The following WAPL variants were observed in gnomAD, a reference collection of about 807,000 sequenced individuals.
WAPL encodes the protein wings apart-like protein homolog.
In WAPL, 5 loss-of-function variants were observed where a neutral mutation model predicts 121.0. The ratio of observed to expected loss-of-function variants is 0.04; its 90% CI spans 0.02 to 0.09. The LOEUF (loss-of-function observed/expected upper bound fraction) is 0.09. Ranked by LOEUF, WAPL falls within the 10% of genes least tolerant of loss-of-function variation. The pLI is 1.00. For missense variants in WAPL, 999 were observed against 1,410.8 expected (o/e 0.71, Z 4.68); for synonymous variants, 480 against 481.5 (o/e 1.00, Z 0.04).
At chr10:86,493,033 C>A (rs963706469) in intron 4 of WAPL, among the ~76,000 whole-genome samples, 7 of 150,780 alleles carry the variant, frequency 4.6e-5, no homozygotes, top group Admixed American at 4.0e-4. Context: ...TGCACTCGAG[C>A]CTGGGTGACA....
intron 12 of WAPL, among the ~76,000 whole-genome samples, chr10:86,454,492 C>T (rs1413966446): frequency 6.6e-6 from 1 of 152,242 alleles, no homozygotes; most frequent in African/African-American, 2.4e-5. Context: ...ATTCTCCTGC[C>T]TCAGCCTGCC....
chr10:86,440,114 C>T (rs752269497), intron 17 of WAPL, among the ~76,000 whole-genome samples: 1 of 152,048 alleles, frequency 6.6e-6, no homozygotes, highest in Non-Finnish European at 1.5e-5. Flanking sequence ...AAGATAGATA[C>T]AGGCAAACAC....
intron 2 of WAPL, among the ~76,000 whole-genome samples, chr10:86,503,148 ACT>A (rs1352743466): frequency 3.9e-5 from 6 of 152,024 alleles, no homozygotes; most frequent in East Asian, 3.9e-4. Context: ...AAAGAGCGAG[ACT>A]CTGTTTAAAA....
chr10:86,460,941 G>C (rs1385843239), intron 10 of WAPL, among the ~76,000 whole-genome samples: 1 of 152,072 alleles, frequency 6.6e-6, no homozygotes, highest in South Asian at 2.1e-4. Flanking sequence ...TCAAACTCCC[G>C]ACCTCAGGTG....
chr10:86,515,179 T>C (rs1842531226), intron 2 of WAPL, among the ~76,000 whole-genome samples: 1 of 150,792 alleles, frequency 6.6e-6, no homozygotes, highest in African/African-American at 2.4e-5. Context: ...GAGAATTGCT[T>C]GAACCCGAGA....
chr10:86,477,913 C>T (rs1281807502), intron 4 of WAPL, among the ~76,000 whole-genome samples: 2 of 151,434 alleles, frequency 1.3e-5, no homozygotes, highest in East Asian at 1.9e-4. Flanking sequence ...AACCCCGTCT[C>T]GCATGGTGGT....
chr10:86,486,175 AAG>A (rs1841927829), intron 4 of WAPL, among the ~76,000 whole-genome samples: 1 of 152,216 alleles, frequency 6.6e-6, no homozygotes, highest in African/African-American at 2.4e-5. Flanking sequence ...ACTGGATCTC[AAG>A]ATAGTCAGTG....
intron 8 of WAPL, among the ~76,000 whole-genome samples, chr10:86,468,605 C>T (rs1264184030): frequency 6.6e-6 from 1 of 152,122 alleles, no homozygotes; most frequent in East Asian, 1.9e-4. Context: ...CCCTGGAAAA[C>T]ACAGCTGTGT....
rs1252412592 is a variant in WAPL at position 86,459,028 on chromosome 10, A to G, written c.2618T>C (p.Ile873Thr). 2 of 1,608,526 alleles carry G rather than the reference A, an allele frequency of 1.2e-6. No individual in the cohort carries two copies. The highest frequency in any genetic ancestry group is 1.7e-6 in the Non-Finnish European group (2 of 1,177,866). Residue 873 changes from isoleucine to threonine, a missense_variant, in exon 12 of 19, where the codon ATA (isoleucine) becomes ACA (threonine). Coordinates refer to ENST00000298767, the MANE Select transcript of WAPL (RefSeq NM_015045.5). ...AATAAGTTGGGAATCTTTATATGCT[A>G]TCAAGTAGCTTTGATTTTCGGGATT... ...VHNPENQSYLIAYKDSQLIVS... is the reference protein window; with the variant it reads ...VHNPENQSYLTAYKDSQLIVS...
chr10:86,474,862 A>C (rs1841616583), intron 4 of WAPL, among the ~76,000 whole-genome samples: 1 of 152,234 alleles, frequency 6.6e-6, no homozygotes, highest in African/African-American at 2.4e-5. Context: ...ATGACAGACA[A>C]TGCGCTCATT....
intron 4 of WAPL, among the ~76,000 whole-genome samples, chr10:86,488,046 G>A (rs900085013): frequency 6.6e-6 from 1 of 152,144 alleles, no homozygotes; most frequent in Non-Finnish European, 1.5e-5. Flanking sequence ...TTACATACAT[G>A]ACGATTGTGA....
rs1236417425 is a variant in WAPL, at chr10:86,460,387, A to T, written c.2580+12T>A. The T allele has an allele frequency of 1.9e-6, 3 of 1,611,804 alleles. No individual in the cohort carries two copies. Among genetic ancestry groups the T allele is most frequent in the South Asian group, 2.2e-5 (2 of 90,918 alleles). ...ACTGAATAATTTTTGCCAAATAGTCATCCATACTTACACTTTCTAAAACTC... is the reference window on the plus strand; with the variant it reads ...ACTGAATAATTTTTGCCAAATAGTCTTCCATACTTACACTTTCTAAAACTC... On this transcript the variant is annotated intron_variant, in intron 11 of 18. Coordinates refer to ENST00000298767, the MANE Select transcript of WAPL (RefSeq NM_015045.5).
intron 2 of WAPL, among the ~76,000 whole-genome samples, chr10:86,505,695 T>C (rs1369882197): frequency 2.0e-5 from 3 of 152,270 alleles, no homozygotes; most frequent in East Asian, 3.9e-4. Context: ...CCAAGAATTA[T>C]GAAAAGGATG....
intron 4 of WAPL, among the ~76,000 whole-genome samples, chr10:86,490,431 C>T (rs1427933969): frequency 1.3e-5 from 2 of 152,032 alleles, no homozygotes; most frequent in Non-Finnish European, 2.9e-5. Flanking sequence ...GTAATCAGGT[C>T]AAGTACATGT....
intron 12 of WAPL, among the ~76,000 whole-genome samples, chr10:86,456,467 T>C (rs1484330864): frequency 6.6e-6 from 1 of 150,924 alleles, no homozygotes; most frequent in African/African-American, 2.4e-5. Context: ...TAATCCCTAA[T>C]GGGTCTAGTA....
intron 4 of WAPL, among the ~76,000 whole-genome samples, chr10:86,491,454 C>T (rs1842046176): frequency 6.6e-6 from 1 of 151,986 alleles, no homozygotes; most frequent in Admixed American, 6.6e-5. Context: ...CATTTTTCAA[C>T]ATTATCTCCT....
At chr10:86,478,327 G>A (rs1461523330) in intron 4 of WAPL, among the ~76,000 whole-genome samples, 1 of 152,002 alleles carries the variant, frequency 6.6e-6, no homozygotes, top group Non-Finnish European at 1.5e-5. Flanking sequence ...TACTCGAGAC[G>A]CTGAGGTGGG....
In WAPL at chr10:86,459,042, A is replaced by G. The variant is rs751306948; in HGVS notation, c.2604T>C (p.Asn868=). 60 of 1,607,754 alleles carry G rather than the reference A, an allele frequency of 3.7e-5. No homozygotes were observed. The highest frequency in any genetic ancestry group is 4.1e-5 in the Non-Finnish European group (48 of 1,177,546). The change falls in exon 12 of 19, where the codon AAT becomes AAC. Residue 868 remains asparagine (N), a synonymous_variant. Transcript: ENST00000298767. The part of the protein sequence containing the change: ...LESVTVHNPE[N]QSYLIAYKDS... The stretch of plus-strand genomic sequence containing the variant: ...CTTTATATGCTATCAAGTAGCTTTG[A>G]TTTTCGGGATTATGCACAGTTACCT...
chr10:86,468,937 C>T (rs1316024414), intron 8 of WAPL, among the ~76,000 whole-genome samples: 2 of 151,990 alleles, frequency 1.3e-5, no homozygotes, highest in Admixed American at 6.6e-5. Context: ...CCTGTCTCTA[C>T]TAAAAATACA....
Sources: gnomAD v4.1 joint callset for allele counts (sites outside exome capture counted in the v4.1 genomes callset) on GRCh38, gnomAD v4.1.1 for gene constraint, MANE v1.5 for transcripts, NCBI Gene and HGNC (gene_info 2026-07-23, HGNC 2026-07-21) for gene names.